TRAPPC9: variants seen among roughly 807,000 people sequenced by gnomAD.
The protein encoded by TRAPPC9 is trafficking protein particle complex subunit 9, also known as IKK2 binding protein.
A neutral mutation model predicts 124.0 loss-of-function variants in TRAPPC9; 83 were observed. That is an observed-to-expected ratio of 0.67 (90% CI 0.56 to 0.80). The LOEUF (loss-of-function observed/expected upper bound fraction) is 0.80. Ranked by LOEUF, TRAPPC9 falls within the 30% of genes least tolerant of loss-of-function variation. The pLI, the probability that TRAPPC9 is intolerant of heterozygous loss-of-function variation, is 0.00. For synonymous variants in TRAPPC9, 638 were observed against 617.5 expected (o/e 1.03, Z -0.49); for missense variants, 1,302 against 1,508.3 (o/e 0.86, Z 2.27).
At chr8:139,919,227 G>A (rs1049925564) in intron 19 of TRAPPC9, among the ~76,000 whole-genome samples, 4 of 152,198 alleles carry the variant, frequency 2.6e-5, no homozygotes, top group Non-Finnish European at 4.4e-5. Context: ...TGTTTGCTTT[G>A]TGACCGGAGG....
intron 17 of TRAPPC9, among the ~76,000 whole-genome samples, chr8:140,129,133 T>C (rs1313508042): frequency 3.9e-5 from 6 of 152,050 alleles, no homozygotes; most frequent in Non-Finnish European, 7.4e-5. Context: ...CTAAAGCATA[T>C]GCTAATTCCC....
intron 20 of TRAPPC9, among the ~76,000 whole-genome samples, chr8:139,889,058 C>G: frequency 6.6e-6 from 1 of 152,232 alleles, no homozygotes; most frequent in South Asian, 2.1e-4. Context: ...AGTCTGCCAA[C>G]AGATGAATGA....
At position 140,085,950 on chromosome 8, in the gene TRAPPC9, G is replaced by A. The variant is rs1048892397; in HGVS notation, c.2557-61871C>T. Among the ~76,000 whole-genome samples the A allele has an allele frequency of 1.1e-4, 16 of 151,932 alleles. No individual in the cohort carries two copies. In the East Asian group the frequency reaches 2.9e-3, roughly 28 times the overall value. ...CCCACACCCCCTTAGGAATCACTGT[G>A]GTTTTTTCTAAGGGTAGGCTGGCAG... On this transcript the variant is annotated intron_variant, in intron 17 of 22. Coordinates refer to ENST00000438773, the MANE Select transcript of TRAPPC9 (RefSeq NM_001160372.4).
chr8:140,023,500 C>T (rs1429466005), intron 18 of TRAPPC9, among the ~76,000 whole-genome samples: 6 of 152,192 alleles, frequency 3.9e-5, no homozygotes, highest in Non-Finnish European at 8.8e-5. Flanking sequence ...CTGGGAGCTC[C>T]ACAAAGTGCC....
chr8:140,044,683 G>T (rs181390946), intron 17 of TRAPPC9, among the ~76,000 whole-genome samples: 1 of 152,358 alleles, frequency 6.6e-6, no homozygotes, highest in East Asian at 1.9e-4. Context: ...CTTCGGCACT[G>T]ATACGCAGGG....
chr8:139,740,100 C>T (rs1818455981), intron 21 of TRAPPC9, among the ~76,000 whole-genome samples: 1 of 152,248 alleles, frequency 6.6e-6, no homozygotes, highest in African/African-American at 2.4e-5. Flanking sequence ...ATGCTCCGCT[C>T]TGGGCCCACA....
intron 21 of TRAPPC9, among the ~76,000 whole-genome samples, chr8:139,747,699 G>C: frequency 1.4e-5 from 1 of 73,348 alleles, no homozygotes; most frequent in Admixed American, 1.3e-4. Flanking sequence ...TGGGTGTGGG[G>C]GGTGTCCCGG....
chr8:139,902,346 C>G (rs1288523106), intron 20 of TRAPPC9, among the ~76,000 whole-genome samples: 1 of 152,216 alleles, frequency 6.6e-6, no homozygotes, highest in Non-Finnish European at 1.5e-5. Flanking sequence ...ACCCTCCAGC[C>G]CACCGAAGGC....
chr8:139,780,847 A>C (rs1355605146), intron 21 of TRAPPC9, among the ~76,000 whole-genome samples: 1 of 152,236 alleles, frequency 6.6e-6, no homozygotes, highest in Non-Finnish European at 1.5e-5. Context: ...ATCTGATTTA[A>C]AAATGGGCCA....
intron 21 of TRAPPC9, among the ~76,000 whole-genome samples, chr8:139,754,916 T>C (rs941662656): frequency 6.6e-6 from 1 of 152,206 alleles, no homozygotes; most frequent in African/African-American, 2.4e-5. Context: ...CAAAACGTAC[T>C]AGGAACACAG....
In TRAPPC9 at chr8:139,796,266, GA is replaced by G. The variant is rs559312357; in HGVS notation, c.3056-64065del. ...TCATATAACTCAGTCCATTTAAGCA[GA>G]GCCCTGCTCTGCCCTATCTGAGGGC... On this transcript the variant is annotated intron_variant, in intron 21 of 22. Coordinates refer to ENST00000438773, the MANE Select transcript of TRAPPC9 (RefSeq NM_001160372.4). Among the ~76,000 whole-genome samples the G allele has an allele frequency of 3.7e-3, 570 of 152,312 alleles. 3 individuals are homozygous for G. Among genetic ancestry groups the G allele is most frequent in the African/African-American group, 7.6e-3 (316 of 41,570 alleles).
At chr8:140,375,016 C>T (rs879277646) in intron 7 of TRAPPC9, among the ~76,000 whole-genome samples, 3 of 152,140 alleles carry the variant, frequency 2.0e-5, no homozygotes, top group Non-Finnish European at 2.9e-5. Context: ...AAAGCTCGAG[C>T]GCAACTGCTT....
At chr8:139,859,373 A>G (rs1428477517) in intron 21 of TRAPPC9, among the ~76,000 whole-genome samples, 1 of 152,198 alleles carries the variant, frequency 6.6e-6, no homozygotes, top group African/African-American at 2.4e-5. Flanking sequence ...AATGACCCCC[A>G]GAGACATTTA....
intron 21 of TRAPPC9, among the ~76,000 whole-genome samples, chr8:139,842,902 T>G (rs1826834587): frequency 6.6e-6 from 1 of 152,174 alleles, no homozygotes; most frequent in South Asian, 2.1e-4. Context: ...CTTAAGCAGA[T>G]TTTCATCGCA....
At chr8:140,193,116 G>A (rs1256693679) in intron 17 of TRAPPC9, among the ~76,000 whole-genome samples, 1 of 152,158 alleles carries the variant, frequency 6.6e-6, no homozygotes, top group Non-Finnish European at 1.5e-5. Flanking sequence ...GTATTTCACT[G>A]GGGAAAGACA....
intron 17 of TRAPPC9, among the ~76,000 whole-genome samples, chr8:140,156,951 A>AAAGCCTCCCTTTTCCATTCAG (rs2061643561): frequency 2.9e-5 from 4 of 137,504 alleles, no homozygotes; most frequent in African/African-American, 8.5e-5. Flanking sequence ...TTTCCATTCA[A>AAAGCCTCCCTTTTCCATTCAG]AAGCCTCCCT....
At chr8:140,081,715 G>C (rs527361401) in intron 17 of TRAPPC9, among the ~76,000 whole-genome samples, 4 of 152,250 alleles carry the variant, frequency 2.6e-5, no homozygotes, top group Admixed American at 2.6e-4. Context: ...TTACAAATGA[G>C]GGAAAACCAT....
At chr8:140,367,753 T>C (rs149353273) in intron 8 of TRAPPC9, among the ~76,000 whole-genome samples, 6 of 152,136 alleles carry the variant, frequency 3.9e-5, no homozygotes, top group African/African-American at 1.4e-4. Flanking sequence ...TGTGTCAACA[T>C]AGGTTCATCA....
chr8:140,439,998 A>G (rs768460430), intron 2 of TRAPPC9, among the ~76,000 whole-genome samples: 9 of 152,262 alleles, frequency 5.9e-5, no homozygotes, highest in African/African-American at 2.2e-4. Context: ...ACACATCTCA[A>G]TACAATGTTA....
Sources: allele counts gnomAD v4.1 joint callset (sites outside exome capture counted in the v4.1 genomes callset), GRCh38; gene constraint gnomAD v4.1.1; transcripts MANE v1.5; gene names NCBI Gene and HGNC (gene_info 2026-07-23, HGNC 2026-07-21).